Variants in FGD4 observed in about 807,000 individuals in gnomAD.
FGD4 encodes FYVE, RhoGEF and PH domain-containing protein 4.
Under a neutral mutation model 102.0 loss-of-function variants are expected in FGD4, and 42 were observed. The ratio of observed to expected loss-of-function variants is 0.41; its 90% CI spans 0.32 to 0.53. FGD4 has a LOEUF of 0.53. Among genes scored for constraint, FGD4 ranks in the 20% least tolerant of loss-of-function variants. The pLI is 0.21. For missense variants in FGD4, 902 were observed against 1,078.2 expected (o/e 0.84, Z 2.29); for synonymous variants, 380 against 375.7 (o/e 1.01, Z -0.13).
intron 1 of FGD4, among the ~76,000 whole-genome samples, chr12:32,447,566 A>G (rs1565745885): frequency 6.6e-6 from 1 of 152,218 alleles, no homozygotes. Context: ...ATTAAATGAG[A>G]TGGCCCATTT....
chr12:32,543,186 G>A (rs1291994443), intron 1 of FGD4, among the ~76,000 whole-genome samples: 1 of 152,158 alleles, frequency 6.6e-6, no homozygotes, highest in East Asian at 1.9e-4. Context: ...TATTATAAAG[G>A]ATACTATGAA....
intron 1 of FGD4, among the ~76,000 whole-genome samples, chr12:32,484,083 A>C (rs994311698): frequency 2.6e-5 from 4 of 152,052 alleles, no homozygotes; most frequent in Admixed American, 6.6e-5. Flanking sequence ...AAATTACACC[A>C]AAAAAAATCC....
Position 32,633,570 on chromosome 12 carries a change from G to T in FGD4, c.2194G>T (p.Asp732Tyr). 6.2e-7 allele frequency: 1 copy of T among 1,613,510 alleles called. No homozygotes were observed. Among genetic ancestry groups the T allele is most frequent in the South Asian group, 1.1e-5 (1 of 90,986 alleles). The change falls in exon 15 of 17, where the codon GAC (aspartate) becomes TAC (tyrosine). Residue 732 changes from aspartate to tyrosine, a missense_variant. By Grantham distance (160) the Asp-to-Tyr change is radical (BLOSUM62 -3). This residue lies in a region of FGD4 where 459 missense variants were observed against 619.0 expected (regional missense o/e 0.74). Transcript: ENST00000534526. ...CGYVVCWKCS[D>Y]YKAQLEYDGG... is the part of the protein sequence containing the mutation. ...TAAGGTGGTTTGTTGGAAATGCTCC[G>T]ACTACAAAGCTCAACTTGAATATGA...
rs980987965 is a variant in FGD4, at chr12:32,640,423, T to C, written c.2602T>C (p.Trp868Arg). Residue 868 changes from tryptophan (W) to arginine (R), a missense_variant, in exon 17 of 17, where the codon TGG becomes CGG. Trp to Arg is a moderately radical substitution (Grantham distance 101, BLOSUM62 -3). Coordinates refer to ENST00000534526, the MANE Select transcript of FGD4 (RefSeq NM_001370298.3). The part of the protein sequence containing the change: ...AADSEELKQK[W>R]LKVILLAVTG... ...AGACAGTGAGGAACTGAAGCAGAAG[T>C]GGCTGAAAGTCATCCTTTTAGCTGT... 3.7e-6 allele frequency: 6 copies of C among 1,614,160 alleles called. No individual in the cohort carries two copies. Among genetic ancestry groups the C allele is most frequent in the Non-Finnish European group, 5.1e-6 (6 of 1,180,026 alleles).
intron 1 of FGD4, among the ~76,000 whole-genome samples, chr12:32,400,618 C>T (rs1032152113): frequency 1.3e-5 from 2 of 152,232 alleles, no homozygotes; most frequent in African/African-American, 2.4e-5. Flanking sequence ...TTCAAGGCCA[C>T]GTAATCTCCC....
chr12:32,582,258 G>C lies in FGD4; in HGVS notation c.802G>C (p.Glu268Gln). ...GCTTGATACGCACATAGTGAATGGA[G>C]AAAGAGATGAAACTGCCACAGCTCC... ...PLLDTHIVNG[E>Q]RDETATAPAS... The change falls in exon 4 of 17, where the codon GAA becomes CAA. Residue 268 changes from glutamate to glutamine, a missense_variant. Glu to Gln is a conservative substitution (Grantham distance 29). Transcript: ENST00000534526. 6.2e-7 allele frequency: 1 copy of C among 1,614,238 alleles called. No individual in the cohort carries two copies. The highest frequency in any genetic ancestry group is 8.5e-7 in the Non-Finnish European group (1 of 1,180,052).
chr12:32,436,726 G>A (rs1004963247), intron 1 of FGD4, among the ~76,000 whole-genome samples: 13 of 152,162 alleles, frequency 8.5e-5, no homozygotes, highest in Non-Finnish European at 1.5e-5. Context: ...CAGAAAAAAA[G>A]CTGCTATCTC....
chr12:32,560,793 A>G (rs1944478833), intron 1 of FGD4, among the ~76,000 whole-genome samples: 1 of 151,492 alleles, frequency 6.6e-6, no homozygotes, highest in Non-Finnish European at 1.5e-5. Context: ...CCTGGGCTCA[A>G]GAGATCCTCT....
chr12:32,453,326 T>C (rs111837705), intron 1 of FGD4, among the ~76,000 whole-genome samples: 5,273 of 149,786 alleles, frequency 0.035, 152 homozygotes, highest in South Asian at 0.11. Context: ...CTCCACCTCC[T>C]GGGTTTAAGC....
At chr12:32,476,446 A>G (rs1350852284) in intron 1 of FGD4, among the ~76,000 whole-genome samples, 2 of 152,192 alleles carry the variant, frequency 1.3e-5, no homozygotes, top group African/African-American at 4.8e-5. Flanking sequence ...CCTTAATTAT[A>G]TGACTGTCGA....
In FGD4 at chr12:32,642,700, A is replaced by T. The variant is rs759122584; in HGVS notation, c.*2167A>T. 1.3e-5 allele frequency: 2 copies of T among 152,072 alleles called. No homozygotes were observed. The highest frequency in any genetic ancestry group is 2.9e-5 in the Non-Finnish European group (2 of 67,942). The allele number at this position is 152,072 out of a possible 1,614,324, so 9.4% of individuals were successfully genotyped here. A position where few individuals can be genotyped will look rare whatever the true frequency, so the allele number is the denominator to read the frequency against. On this transcript the variant is annotated 3_prime_UTR_variant, in exon 17 of 17. Transcript: ENST00000534526. ...AATTTTTTAAATGAGAAGCATTAATACTAGAAGAGAATTTCTGGTTATCCG... is the reference window on the plus strand; with the variant it reads ...AATTTTTTAAATGAGAAGCATTAATTCTAGAAGAGAATTTCTGGTTATCCG...
Position 32,641,092 on chromosome 12 carries a change from A to G in FGD4, c.*559A>G, listed in dbSNP as rs1951134891. The G allele has an allele frequency of 6.4e-6, 1 of 157,220 alleles. No homozygotes were observed. The highest frequency in any genetic ancestry group is 1.9e-4 in the South Asian group (1 of 5,268). 9.7% of individuals were successfully genotyped at this position (157,220 alleles called of 1,614,324 possible). Reference sequence around the variant, plus strand: ...ATTTCCGATTTATAAAGAAAAGATAACTTGTTTTTGTAGAAATACTCCTAA... The same window carrying G: ...ATTTCCGATTTATAAAGAAAAGATAGCTTGTTTTTGTAGAAATACTCCTAA... On this transcript the variant is annotated 3_prime_UTR_variant, in exon 17 of 17. Transcript: ENST00000534526.
chr12:32,400,845 A>AT lies in FGD4; in HGVS notation c.166+886_166+887insT, dbSNP rs1940632150. On this transcript the variant is annotated intron_variant, in intron 1 of 16. Coordinates refer to ENST00000534526, the MANE Select transcript of FGD4 (RefSeq NM_001370298.3). ...TTCACGCATTTCATTCTGATTAAGC[A>AT]AATATGACGATTTAAATATGATAAA... Among the ~76,000 whole-genome samples, 3 of 150,340 alleles carry AT rather than the reference A, an allele frequency of 2.0e-5. No individual in the cohort carries two copies. In the Admixed American group the frequency reaches 2.0e-4, roughly 10 times the overall value.
intron 3 of FGD4, among the ~76,000 whole-genome samples, chr12:32,581,360 T>G (rs1039581171): frequency 6.6e-6 from 1 of 152,178 alleles, no homozygotes; most frequent in African/African-American, 2.4e-5. Context: ...CCTCAGAGTT[T>G]GTGACTGACT....
intron 1 of FGD4, among the ~76,000 whole-genome samples, chr12:32,480,044 A>C (rs1943687521): frequency 6.6e-6 from 1 of 151,976 alleles, no homozygotes; most frequent in Non-Finnish European, 1.5e-5. Flanking sequence ...TGCCTGCCTC[A>C]GCCTTCCAAA....
In FGD4 at chr12:32,469,995, A is replaced by G. The variant is rs1279434492; in HGVS notation, c.166+70036A>G. Among the ~76,000 whole-genome samples the G allele has an allele frequency of 5.3e-5, 8 of 152,242 alleles. No individual in the cohort carries two copies. In the East Asian group the frequency reaches 1.5e-3, roughly 29 times the overall value. On this transcript the variant is annotated intron_variant, in intron 1 of 16. Transcript: ENST00000534526. ...CTATTAATAGACTTGTGGGTTGATA[A>G]TATTTTATTTAAAAACTTTTTTTTC...
chr12:32,408,610 A>T (rs1941057858), intron 1 of FGD4, among the ~76,000 whole-genome samples: 1 of 151,940 alleles, frequency 6.6e-6, no homozygotes, highest in Non-Finnish European at 1.5e-5. Flanking sequence ...CCTCCCAGTG[A>T]CTTTAACTTA....
intron 1 of FGD4, among the ~76,000 whole-genome samples, chr12:32,523,720 A>G (rs1225277096): frequency 1.3e-5 from 2 of 152,230 alleles, no homozygotes; most frequent in Non-Finnish European, 2.9e-5. Flanking sequence ...CACGCCTGCA[A>G]TCCCAACACT....
chr12:32,468,603 G>A (rs1943332853), intron 1 of FGD4, among the ~76,000 whole-genome samples: 1 of 152,042 alleles, frequency 6.6e-6, no homozygotes, highest in East Asian at 1.9e-4. Flanking sequence ...AGGCCTGGGC[G>A]CAGTGGCTCA....
Sources: gnomAD v4.1 joint callset for allele counts (sites outside exome capture counted in the v4.1 genomes callset) on GRCh38, gnomAD v4.1.1 for gene constraint, gnomAD v4.1.1 regional missense constraint, MANE v1.5 for transcripts, NCBI Gene and HGNC (gene_info 2026-07-23, HGNC 2026-07-21) for gene names.